Variants in SOX6 observed in about 807,000 individuals in gnomAD.
The protein encoded by SOX6 is SRY-box transcription factor 6, also known as transcription factor SOX-6.
Under a neutral mutation model 97.8 loss-of-function variants are expected in SOX6, and 11 were observed. The observed-to-expected ratio is 0.11, with a 90% confidence interval of 0.07 to 0.19. The LOEUF (loss-of-function observed/expected upper bound fraction) is 0.19, where lower values mean the gene tolerates loss of function less well. Among genes scored for constraint, SOX6 ranks in the 10% least tolerant of loss-of-function variants. The probability of loss-of-function intolerance (pLI) is 1.00; values close to 1 mark genes in which losing one functional copy is unlikely to be tolerated. For missense variants in SOX6, 810 were observed against 1,039.5 expected, an observed-to-expected ratio of 0.78 and a Z score of 3.04; for synonymous variants, 360 against 371.4, an observed-to-expected ratio of 0.97 and a Z score of 0.35.
At chr11:16,693,790 A>G (rs909537488) in intron 3 of SOX6, among the ~76,000 whole-genome samples, 2 of 152,204 alleles carry the variant, frequency 1.3e-5, no homozygotes, top group African/African-American at 4.8e-5. Flanking sequence ...TTCTAAGTCC[A>G]TATTCTGATA....
chr11:16,731,233 T>G (rs1458232762), intron 2 of SOX6, among the ~76,000 whole-genome samples: 1 of 152,182 alleles, frequency 6.6e-6, no homozygotes, highest in Non-Finnish European at 1.5e-5. Flanking sequence ...GACTCCTCCC[T>G]AACTCACTTT....
chr11:16,197,046 C>T (rs1446525284), intron 4 of SOX6, among the ~76,000 whole-genome samples: 3 of 152,002 alleles, frequency 2.0e-5, no homozygotes, highest in African/African-American at 7.2e-5. Flanking sequence ...GTTTCACAGG[C>T]TGGTCTTGAA....
At chr11:16,114,733 G>C (rs1217911057) in intron 6 of SOX6, among the ~76,000 whole-genome samples, 1 of 152,092 alleles carries the variant, frequency 6.6e-6, no homozygotes, top group Non-Finnish European at 1.5e-5. Context: ...AGAAAGAAGA[G>C]GTGGGAATAC....
At chr11:16,249,952 T>A (rs1366923668) in intron 3 of SOX6, among the ~76,000 whole-genome samples, 1 of 152,216 alleles carries the variant, frequency 6.6e-6, no homozygotes, top group Non-Finnish European at 1.5e-5. Flanking sequence ...CAGAAAATGA[T>A]TCTCTACGAT....
chr11:16,296,916 T>TA (rs1430892551), intron 3 of SOX6, among the ~76,000 whole-genome samples: 1 of 151,842 alleles, frequency 6.6e-6, no homozygotes, highest in East Asian at 1.9e-4. Context: ...AAAGGCAGAG[T>TA]AAAAACACCC....
chr11:15,985,095 T>C (rs1853790430), intron 15 of SOX6, among the ~76,000 whole-genome samples: 1 of 152,194 alleles, frequency 6.6e-6, no homozygotes, highest in African/African-American at 2.4e-5. Context: ...CTGCAGTGTA[T>C]TGCACAGATT....
At chr11:16,479,245 A>G (rs1291653184), upstream of SOX6, among the ~76,000 whole-genome samples, 2 of 152,178 alleles carry the variant, frequency 1.3e-5, no homozygotes, top group Non-Finnish European at 2.9e-5. Flanking sequence ...ACAATGCACA[A>G]GGGGCCAAGA....
chr11:16,384,764 C>CG (rs1857927779), intron 1 of SOX6, among the ~76,000 whole-genome samples: 1 of 151,768 alleles, frequency 6.6e-6, no homozygotes. Flanking sequence ...CATTGAACAA[C>CG]GGGAAAAAAA....
intron 3 of SOX6, among the ~76,000 whole-genome samples, chr11:16,251,291 C>CT (rs2134199737): frequency 6.6e-6 from 1 of 152,096 alleles, no homozygotes; most frequent in South Asian, 2.1e-4. Flanking sequence ...GAAATAGAAA[C>CT]TGTAGTCTCA....
intron 4 of SOX6, among the ~76,000 whole-genome samples, chr11:16,566,890 A>T (rs1368381364): frequency 1.3e-5 from 2 of 152,264 alleles, no homozygotes; most frequent in Non-Finnish European, 2.9e-5. Context: ...TCATAGGAGC[A>T]CTATTCACAA....
At chr11:16,167,442 G>A (rs186902042) in intron 6 of SOX6, among the ~76,000 whole-genome samples, 11 of 152,222 alleles carry the variant, frequency 7.2e-5, no homozygotes, top group African/African-American at 2.6e-4. Context: ...ACAGTAGCCA[G>A]AATGAGCCTG....
intron 12 of SOX6, 65 bp from the exon 13 acceptor site, chr11:16,015,115 T>G: frequency 7.2e-7 from 1 of 1,393,006 alleles, no homozygotes. Flanking sequence ...CCTTCCAGTT[T>G]CTATCTTGCT....
At chr11:16,363,098 A>G (rs556177146) in intron 1 of SOX6, among the ~76,000 whole-genome samples, 1 of 152,240 alleles carries the variant, frequency 6.6e-6, no homozygotes, top group African/African-American at 2.4e-5. Flanking sequence ...ACCTGCCCTT[A>G]TATACTTGCA....
intron 3 of SOX6, among the ~76,000 whole-genome samples, chr11:16,684,596 G>A (rs910248876): frequency 6.6e-6 from 1 of 151,642 alleles, no homozygotes; most frequent in African/African-American, 2.4e-5. Context: ...TGGGGGGCTG[G>A]GGGAGGGATA....
chr11:16,028,366 G>A (rs1855267555), intron 12 of SOX6, among the ~76,000 whole-genome samples: 1 of 152,076 alleles, frequency 6.6e-6, no homozygotes, highest in South Asian at 2.1e-4. Context: ...AAGCTTTCAG[G>A]GAAAGTCTGT....
intron 4 of SOX6, among the ~76,000 whole-genome samples, chr11:16,504,564 A>T (rs1292657523): frequency 7.7e-6 from 1 of 130,030 alleles, no homozygotes; most frequent in East Asian, 2.4e-4. Flanking sequence ...TAAACCACTG[A>T]TGGAAAAAAA....
At chr11:16,082,292 G>C (rs1848489557) in intron 9 of SOX6, among the ~76,000 whole-genome samples, 1 of 152,170 alleles carries the variant, frequency 6.6e-6, no homozygotes, top group African/African-American at 2.4e-5. Context: ...CAGATGTTAA[G>C]AGGATCTGTT....
chr11:16,730,627 C>A (rs1848342416), intron 2 of SOX6, among the ~76,000 whole-genome samples: 2 of 152,068 alleles, frequency 1.3e-5, no homozygotes, highest in South Asian at 4.1e-4. Context: ...GCACTAATTG[C>A]CCACAAGAGA....
intron 12 of SOX6, among the ~76,000 whole-genome samples, chr11:16,035,218 G>A (rs891556459): frequency 6.6e-6 from 1 of 152,170 alleles, no homozygotes; most frequent in Non-Finnish European, 1.5e-5. Context: ...GATAGGTTTG[G>A]GGGAAGAAGG....
Sources: gnomAD v4.1 joint callset for allele counts (sites outside exome capture counted in the v4.1 genomes callset) on GRCh38, gnomAD v4.1.1 for gene constraint, MANE v1.5 for transcripts, NCBI Gene and HGNC (gene_info 2026-07-23, HGNC 2026-07-21) for gene names.